NEBL: variants seen among roughly 807,000 people sequenced by gnomAD.
The protein encoded by NEBL is nebulette, also known as LIM and SH3 protein 2.
A neutral mutation model predicts 140.2 loss-of-function variants in NEBL; 122 were observed. The observed-to-expected ratio is 0.87, with a 90% confidence interval of 0.75 to 1.01. The LOEUF is 1.01. Among genes scored for constraint, NEBL ranks in the 50% least tolerant of loss-of-function variants. The pLI is 0.00. For synonymous variants in NEBL, 436 were observed against 398.9 expected (o/e 1.09, Z -1.11); for missense variants, 1,365 against 1,231.3 (o/e 1.11, Z -1.62).
intron 3 of NEBL, among the ~76,000 whole-genome samples, chr10:20,980,894 G>C (rs1837012618): frequency 6.6e-6 from 1 of 152,064 alleles, no homozygotes; most frequent in Non-Finnish European, 1.5e-5. Flanking sequence ...TTCTTCCAAG[G>C]CTGGTAAGAA....
chr10:20,804,945 G>C (rs1003431563), intron 26 of NEBL, among the ~76,000 whole-genome samples: 2 of 152,182 alleles, frequency 1.3e-5, no homozygotes, highest in African/African-American at 4.8e-5. Context: ...GGTGTGGCCA[G>C]AGCAGAAGCA....
chr10:21,182,403 G>A (rs537740735), intron 3 of NEBL, among the ~76,000 whole-genome samples: 4 of 152,164 alleles, frequency 2.6e-5, no homozygotes, highest in Admixed American at 6.5e-5. Flanking sequence ...TTGAATCCAG[G>A]AGTTCTAGGC....
At chr10:21,053,617 T>C (rs1387439422) in intron 2 of NEBL, among the ~76,000 whole-genome samples, 1 of 152,218 alleles carries the variant, frequency 6.6e-6, no homozygotes, top group Non-Finnish European at 1.5e-5. Flanking sequence ...TCCCTTATTA[T>C]AATAATCCCC....
intron 3 of NEBL, among the ~76,000 whole-genome samples, chr10:21,205,450 A>C (rs1300054799): frequency 6.6e-6 from 1 of 152,226 alleles, no homozygotes; most frequent in Admixed American, 6.5e-5. Context: ...ATTACAGTGT[A>C]TCTTTAGTGG....
chr10:21,222,825 C>A (rs557898763), intron 3 of NEBL, among the ~76,000 whole-genome samples: 1 of 152,260 alleles, frequency 6.6e-6, no homozygotes, highest in African/African-American at 2.4e-5. Context: ...TGCAATGGTG[C>A]GATCTCAGCT....
At chr10:21,005,515 G>C (rs75675804) in intron 3 of NEBL, among the ~76,000 whole-genome samples, 1 of 152,010 alleles carries the variant, frequency 6.6e-6, no homozygotes, top group Non-Finnish European at 1.5e-5. Flanking sequence ...TGGGGGGATC[G>C]CTTGAGCCCA....
chr10:20,927,116 G>A (rs1249088418), intron 4 of NEBL, among the ~76,000 whole-genome samples: 1 of 152,096 alleles, frequency 6.6e-6, no homozygotes, highest in African/African-American at 2.4e-5. Context: ...CAGGAGCGGA[G>A]GATAACTAAG....
chr10:20,908,904 C>T (rs559962021), intron 4 of NEBL, among the ~76,000 whole-genome samples: 1 of 152,288 alleles, frequency 6.6e-6, no homozygotes, highest in South Asian at 2.1e-4. Context: ...TTGATGTACT[C>T]ATTCTAAATG....
chr10:20,895,242 C>T (rs1847376062), intron 2 of NEBL, among the ~76,000 whole-genome samples: 1 of 152,160 alleles, frequency 6.6e-6, no homozygotes, highest in Non-Finnish European at 1.5e-5. Context: ...GCTATAATTG[C>T]ACTTCAATAA....
intron 1 of NEBL, among the ~76,000 whole-genome samples, chr10:21,290,087 A>C (rs1432373865): frequency 2.0e-5 from 3 of 152,216 alleles, no homozygotes; most frequent in African/African-American, 7.2e-5. Flanking sequence ...GGTTGTAAAG[A>C]ATCTAATAAG....
intron 3 of NEBL, among the ~76,000 whole-genome samples, chr10:21,186,239 A>C (rs1564539179): frequency 6.7e-6 from 1 of 149,664 alleles, no homozygotes; most frequent in African/African-American, 2.5e-5. Flanking sequence ...CCCTTTTTAA[A>C]AAATTTTTAT....
chr10:20,897,423 G>T, upstream of NEBL: 1 of 1,283,252 alleles, frequency 7.8e-7, no homozygotes, highest in Non-Finnish European at 9.8e-7. Flanking sequence ...CTCACAAGTG[G>T]AAATAACATA....
At position 20,836,512 on chromosome 10, in the gene NEBL, C is replaced by T. The variant is rs552995962; in HGVS notation, c.1339-889G>A. On this transcript the variant is annotated intron_variant, in intron 13 of 27. Coordinates refer to ENST00000377122, the MANE Select transcript of NEBL (RefSeq NM_006393.3). Reference sequence around the variant, plus strand: ...TGCTGGGATTACAGGTGTGAGCCACCGCATCTGGCCAATCAGTGATCTTTG... The same window carrying T: ...TGCTGGGATTACAGGTGTGAGCCACTGCATCTGGCCAATCAGTGATCTTTG... 1.3e-4 allele frequency among the ~76,000 whole-genome samples: 20 copies of T among 152,182 alleles called. No homozygotes were observed. The South Asian group carries it at 1.7e-3, about 13-fold the overall frequency.
intron 2 of NEBL, among the ~76,000 whole-genome samples, chr10:21,084,015 A>G (rs937570842): frequency 5.3e-5 from 8 of 152,160 alleles, no homozygotes; most frequent in African/African-American, 1.2e-4. Context: ...TCATCTTGGG[A>G]AAAAAACCCT....
chr10:21,002,296 C>T (rs552563151), intron 3 of NEBL, among the ~76,000 whole-genome samples: 8 of 152,034 alleles, frequency 5.3e-5, no homozygotes, highest in East Asian at 1.9e-4. Context: ...CAGGAAAAAA[C>T]GTCATATAGA....
chr10:20,869,688 T>G (rs1844714881), intron 6 of NEBL, 52 bp downstream of exon 6: 8 of 1,273,198 alleles, frequency 6.3e-6, no homozygotes, highest in Admixed American at 1.7e-5. Context: ...ATGCTTTGCC[T>G]CCTACAAAAG....
intron 3 of NEBL, among the ~76,000 whole-genome samples, chr10:20,969,820 C>T (rs568261231): frequency 2.4e-4 from 36 of 152,132 alleles, no homozygotes; most frequent in African/African-American, 8.7e-4. Context: ...GCTGAGATTC[C>T]AGGTGTGAGC....
intron 3 of NEBL, among the ~76,000 whole-genome samples, chr10:21,017,452 C>T (rs941243672): frequency 6.6e-6 from 1 of 152,114 alleles, no homozygotes; most frequent in Non-Finnish European, 1.5e-5. Context: ...TGCTGCTTGG[C>T]GATCCCACAG....
At chr10:20,837,905 G>A (rs935074971) in intron 13 of NEBL, among the ~76,000 whole-genome samples, 7 of 152,160 alleles carry the variant, frequency 4.6e-5, no homozygotes, top group African/African-American at 1.4e-4. Context: ...ATGGTTTACT[G>A]AATATTTGAA....
Sources: gnomAD v4.1 joint callset for allele counts (sites outside exome capture counted in the v4.1 genomes callset) on GRCh38, gnomAD v4.1.1 for gene constraint, MANE v1.5 for transcripts, NCBI Gene and HGNC (gene_info 2026-07-23, HGNC 2026-07-21) for gene names.